Variants in CPA6 observed in about 807,000 individuals in gnomAD.
CPA6 encodes carboxypeptidase B.
In CPA6, 58 loss-of-function variants were observed where a neutral mutation model predicts 63.3. That is an observed-to-expected ratio of 0.92 (90% confidence interval 0.74 to 1.14). CPA6 has a LOEUF of 1.14. Ranked by LOEUF, CPA6 falls within the 50% of genes most tolerant of loss-of-function variation. The pLI is 0.00. For missense variants in CPA6, 565 were observed against 526.6 expected (o/e 1.07, Z -0.71); for synonymous variants, 185 against 179.0 (o/e 1.03, Z -0.27).
chr8:67,725,240 G>T (rs563235507), intron 1 of CPA6, among the ~76,000 whole-genome samples: 3 of 152,126 alleles, frequency 2.0e-5, no homozygotes, highest in African/African-American at 7.2e-5. Context: ...TGTTTCCCTC[G>T]TGAAATTATG....
chr8:67,673,052 T>C (rs775872106), intron 1 of CPA6, among the ~76,000 whole-genome samples: 1 of 152,078 alleles, frequency 6.6e-6, no homozygotes, highest in Non-Finnish European at 1.5e-5. Context: ...GGGCAGCTAA[T>C]CAAATGTAGC....
chr8:67,565,148 C>T (rs1813305016), intron 2 of CPA6, among the ~76,000 whole-genome samples: 1 of 149,142 alleles, frequency 6.7e-6, no homozygotes, highest in Non-Finnish European at 1.5e-5. Context: ...GGGACTATGC[C>T]ACAGCGTTTT....
At chr8:67,654,600 C>A (rs1213582218) in intron 1 of CPA6, among the ~76,000 whole-genome samples, 1 of 152,078 alleles carries the variant, frequency 6.6e-6, no homozygotes, top group Non-Finnish European at 1.5e-5. Context: ...TCCCCTTTAT[C>A]ATTTTTTATT....
intron 2 of CPA6, among the ~76,000 whole-genome samples, chr8:67,611,890 G>A (rs1587632957): frequency 6.6e-6 from 1 of 152,168 alleles, no homozygotes; most frequent in South Asian, 2.1e-4. Flanking sequence ...TTCTGATAGA[G>A]GGGAAGATGC....
At chr8:67,557,814 GGA>G (rs1363249550) in intron 2 of CPA6, among the ~76,000 whole-genome samples, 1 of 152,166 alleles carries the variant, frequency 6.6e-6, no homozygotes, top group Non-Finnish European at 1.5e-5. Flanking sequence ...TAAATTTTCA[GGA>G]GAAACTAGCC....
At chr8:67,446,035 C>A (rs187922418) in intron 8 of CPA6, among the ~76,000 whole-genome samples, 5 of 152,180 alleles carry the variant, frequency 3.3e-5, no homozygotes, top group African/African-American at 1.2e-4. Context: ...GAGGCCGGGG[C>A]GGGCGGATCA....
intron 6 of CPA6, among the ~76,000 whole-genome samples, chr8:67,485,371 C>T (rs763489546): frequency 1.3e-5 from 2 of 152,048 alleles, no homozygotes; most frequent in African/African-American, 2.4e-5. Flanking sequence ...CAAGGTAATC[C>T]CTATCCTAAG....
Position 67,664,731 on chromosome 8 carries a change from C to T in CPA6, c.117-40480G>A, listed in dbSNP as rs138654061. The stretch of plus-strand genomic sequence containing the variant: ...TTTCCCAGTCAATGGAAAAGGTACA[C>T]TTTGAGTAGGATGGGGTTCAAGTGG... On this transcript the variant is annotated intron_variant, in intron 1 of 10. Coordinates refer to ENST00000297770, the MANE Select transcript of CPA6 (RefSeq NM_020361.5). Among the ~76,000 whole-genome samples the T allele has an allele frequency of 6.6e-5, 10 of 152,160 alleles. No homozygotes were observed. The East Asian group carries it at 1.9e-3, about 29-fold the overall frequency.
intron 2 of CPA6, among the ~76,000 whole-genome samples, chr8:67,533,121 A>G (rs1269052305): frequency 6.6e-6 from 1 of 152,174 alleles, no homozygotes; most frequent in East Asian, 1.9e-4. Flanking sequence ...CTGGAAGAAA[A>G]ACCACTCAAT....
chr8:67,536,834 T>C (rs1264410500), intron 2 of CPA6, among the ~76,000 whole-genome samples: 1 of 152,220 alleles, frequency 6.6e-6, no homozygotes, highest in African/African-American at 2.4e-5. Flanking sequence ...TGTGGGTTTG[T>C]CATAAATAGC....
chr8:67,703,486 T>C (rs535120893), intron 1 of CPA6, among the ~76,000 whole-genome samples: 7 of 152,372 alleles, frequency 4.6e-5, no homozygotes, highest in Admixed American at 1.3e-4. Context: ...GTTTTCTCTG[T>C]GGGTATTCTG....
intron 2 of CPA6, among the ~76,000 whole-genome samples, chr8:67,619,915 A>G (rs1156531860): frequency 6.6e-6 from 1 of 152,170 alleles, no homozygotes; most frequent in Admixed American, 6.5e-5. Context: ...CCCTACAATT[A>G]TCAAACCATT....
At chr8:67,613,196 C>T (rs1814855747) in intron 2 of CPA6, among the ~76,000 whole-genome samples, 1 of 152,208 alleles carries the variant, frequency 6.6e-6, no homozygotes, top group Admixed American at 6.5e-5. Context: ...CCTGTTTGCT[C>T]CATCATTTTA....
intron 2 of CPA6, among the ~76,000 whole-genome samples, chr8:67,522,947 G>A (rs901372909): frequency 6.6e-6 from 1 of 152,212 alleles, no homozygotes; most frequent in Non-Finnish European, 1.5e-5. Flanking sequence ...GAGATTTCTG[G>A]CTGACAAAGT....
intron 2 of CPA6, among the ~76,000 whole-genome samples, chr8:67,547,989 A>G (rs943994693): frequency 1.3e-5 from 2 of 152,214 alleles, no homozygotes; most frequent in African/African-American, 4.8e-5. Flanking sequence ...TATATATTCT[A>G]TGTGATGCTC....
chr8:67,463,086 C>T (rs933756162), intron 8 of CPA6, among the ~76,000 whole-genome samples: 3 of 152,110 alleles, frequency 2.0e-5, no homozygotes, highest in African/African-American at 7.2e-5. Context: ...TGGCTAACCA[C>T]TTGTAGGTTG....
At chr8:67,459,150 A>G (rs939472469) in intron 8 of CPA6, among the ~76,000 whole-genome samples, 8 of 152,216 alleles carry the variant, frequency 5.3e-5, no homozygotes, top group African/African-American at 1.9e-4. Flanking sequence ...ATTTTTATCT[A>G]TTTATTTATT....
At chr8:67,478,506 C>G (rs1029090184) in intron 8 of CPA6, among the ~76,000 whole-genome samples, 1 of 151,966 alleles carries the variant, frequency 6.6e-6, no homozygotes, top group Non-Finnish European at 1.5e-5. Flanking sequence ...TGGGACTGAG[C>G]CTTTAACCTG....
intron 2 of CPA6, among the ~76,000 whole-genome samples, chr8:67,543,706 T>C (rs190086193): frequency 6.6e-6 from 1 of 152,096 alleles, no homozygotes; most frequent in Admixed American, 6.5e-5. Flanking sequence ...GTTCACATTG[T>C]TGTGAAACAC....
Sources: allele counts gnomAD v4.1 joint callset (sites outside exome capture counted in the v4.1 genomes callset), GRCh38; gene constraint gnomAD v4.1.1; transcripts MANE v1.5; gene names NCBI Gene and HGNC (gene_info 2026-07-23, HGNC 2026-07-21).